The following CNPPD1 variants were observed in gnomAD, a reference collection of about 807,000 sequenced individuals.
CNPPD1 encodes cyclin Pas1/PHO80 domain containing 1.
In CNPPD1, 40 loss-of-function variants were observed where a neutral mutation model predicts 43.7. The observed-to-expected ratio is 0.92, with a 90% CI of 0.71 to 1.19. CNPPD1 has a LOEUF of 1.19. Among genes scored for constraint, CNPPD1 ranks in the 50% most tolerant of loss-of-function variants. The pLI is 0.00. For missense variants in CNPPD1, 511 were observed against 518.5 expected, an observed-to-expected ratio of 0.99 and a Z score of 0.14; for synonymous variants, 208 against 214.3, an observed-to-expected ratio of 0.97 and a Z score of 0.26.
At chr2:219,176,445 C>T (rs1325899270) in intron 1 of CNPPD1, 114 bp from the exon 2 acceptor site, 4 of 795,018 alleles carry the variant, frequency 5.0e-6, no homozygotes, top group South Asian at 1.6e-5. Context: ...GCTAGGGGGC[C>T]CGTGCCTTAC....
At position 219,174,861 on chromosome 2, in the gene CNPPD1, C is replaced by T; in HGVS notation, c.427G>A (p.Val143Ile). The T allele has an allele frequency of 1.2e-6, 2 of 1,613,490 alleles. No homozygotes were observed. Among genetic ancestry groups the T allele is most frequent in the East Asian group, 2.2e-5 (1 of 44,868 alleles). ...GCAGCTCCCCATTCGTCGTTGAAGA[C>T]CTCCTCCTCCTCCCCTTCATCATAG... The part of the protein sequence containing the change: ...YLYDEGEEEE[V>I]FNDEWGAAGG... The change falls in exon 5 of 8, where the codon GTC becomes ATC. Residue 143 changes from valine (V) to isoleucine (I), a missense_variant. Transcript: ENST00000360507.
intron 5 of CNPPD1, 40 bp downstream of exon 5, chr2:219,174,738 G>A: frequency 6.5e-7 from 1 of 1,539,970 alleles, no homozygotes; most frequent in Non-Finnish European, 8.7e-7. Flanking sequence ...GGTTAAAGAT[G>A]GGCCAGGGAA....
intron 7 of CNPPD1, 34 bp from the exon 8 acceptor site, chr2:219,173,162 T>C (rs746500578): frequency 2.3e-5 from 36 of 1,533,332 alleles, no homozygotes; most frequent in Non-Finnish European, 3.0e-5. Context: ...AAGGAATCTG[T>C]CTTTAACACA....
At chr2:219,175,903 CCA>C (rs1425176828) in intron 2 of CNPPD1, among the ~76,000 whole-genome samples, 1 of 152,218 alleles carries the variant, frequency 6.6e-6, no homozygotes, top group African/African-American at 2.4e-5. Flanking sequence ...ATCAAACTAT[CCA>C]GATTTATCTG....
intron 2 of CNPPD1, 98 bp downstream of exon 2, chr2:219,176,125 G>C: frequency 1.2e-6 from 1 of 843,444 alleles, no homozygotes; most frequent in Non-Finnish European, 2.0e-6. Context: ...GCAATGAAGA[G>C]ACAGTGTAGC....
intron 3 of CNPPD1, 96 bp downstream of exon 3, chr2:219,175,495 A>T: frequency 4.2e-6 from 1 of 237,964 alleles, no homozygotes; most frequent in Non-Finnish European, 7.2e-6. Flanking sequence ...AGACTGTCTC[A>T]AAAAAAAAAA....
chr2:219,177,804 G>A (rs1313810393), upstream of CNPPD1: 1 of 152,256 alleles, frequency 6.6e-6, no homozygotes, highest in Non-Finnish European at 1.5e-5. Flanking sequence ...TTTCTGAGTA[G>A]ATGTTGTTTT....
intron 1 of CNPPD1, 87 bp from the exon 2 acceptor site, chr2:219,176,418 G>A (rs918611820): frequency 9.5e-7 from 1 of 1,057,790 alleles, no homozygotes; most frequent in African/African-American, 1.6e-5. Context: ...CGGGGCAGGG[G>A]ACAGGCCGGC....
upstream of CNPPD1, chr2:219,177,437 CTTT>C (rs1356819059): frequency 6.6e-6 from 1 of 152,246 alleles, no homozygotes; most frequent in Non-Finnish European, 1.5e-5. Flanking sequence ...TTCCCAGTTG[CTTT>C]TTAGGAGAGA....
chr2:219,176,973 C>T (rs1470674572), upstream of CNPPD1: 1 of 639,508 alleles, frequency 1.6e-6, no homozygotes, highest in Non-Finnish European at 2.6e-6. Flanking sequence ...TCGCAGCTCC[C>T]TCCCCCCGGC....
chr2:219,172,094 T>C lies in CNPPD1; in HGVS notation c.*492A>G, dbSNP rs1367353507. 1 of 168,278 alleles carries C rather than the reference T, an allele frequency of 5.9e-6. No homozygotes were observed. Among genetic ancestry groups the C allele is most frequent in the Non-Finnish European group, 1.3e-5 (1 of 76,376 alleles). 10.4% of individuals were successfully genotyped at this position (168,278 alleles called of 1,614,324 possible). On this transcript the variant is annotated 3_prime_UTR_variant, in exon 8 of 8. Coordinates refer to ENST00000360507, the MANE Select transcript of CNPPD1 (RefSeq NM_015680.6). ...AAGGTCCCAGCAGTCCTTGGCTCCATTAGACTAAAGCTAAGGAATGGGAGT... is the reference window on the plus strand; with the variant it reads ...AAGGTCCCAGCAGTCCTTGGCTCCACTAGACTAAAGCTAAGGAATGGGAGT...
At position 219,172,399 on chromosome 2, in the gene CNPPD1, G is replaced by GC; in HGVS notation, c.*186dup. On this transcript the variant is annotated 3_prime_UTR_variant, in exon 8 of 8. Transcript: ENST00000360507. ...GCGGCATCACTGTCCTGGCCAAGCA[G>GC]CCAGCCACTGCGATCTAGGAGTGAA... is the stretch of plus-strand genomic sequence containing the variant. 1 of 669,470 alleles carries GC rather than the reference G, an allele frequency of 1.5e-6. No individual in the cohort carries two copies. Among genetic ancestry groups the GC allele is most frequent in the Non-Finnish European group, 2.6e-6 (1 of 385,842 alleles). 41.5% of individuals were successfully genotyped at this position (669,470 alleles called of 1,614,324 possible). A position where few individuals can be genotyped will look rare whatever the true frequency, so the allele number is the denominator to read the frequency against.
In CNPPD1 at chr2:219,174,029, A is replaced by G. The variant is rs1256690933; in HGVS notation, c.572+117T>C. 1.3e-5 allele frequency: 13 copies of G among 994,688 alleles called. No homozygotes were observed. The East Asian group carries it at 2.1e-4, about 16-fold the overall frequency. 61.6% of individuals were successfully genotyped at this position (994,688 alleles called of 1,614,324 possible). On this transcript the variant is annotated intron_variant, in intron 6 of 7. Transcript: ENST00000360507. ...GGGTCTGGGAACCACTATCTGGGCAATTCTCTTTCTTGTCTCCTCCCTCCC... is the reference window on the plus strand; with the variant it reads ...GGGTCTGGGAACCACTATCTGGGCAGTTCTCTTTCTTGTCTCCTCCCTCCC...
intron 3 of CNPPD1, 139 bp downstream of exon 3, chr2:219,175,452 G>C (rs979877078): frequency 1.2e-6 from 1 of 834,116 alleles, no homozygotes; most frequent in Non-Finnish European, 1.9e-6. Flanking sequence ...AGCCGAGATT[G>C]TGCCACTGCA....
chr2:219,175,219 G>T, intron 3 of CNPPD1, 111 bp from the exon 4 acceptor site: 1 of 1,355,802 alleles, frequency 7.4e-7, no homozygotes, highest in Non-Finnish European at 9.8e-7. Context: ...AACTATTCCT[G>T]GCTGGGCACG....
intron 1 of CNPPD1, 126 bp from the exon 2 acceptor site, chr2:219,176,457 C>T (rs1311995326): frequency 8.4e-6 from 6 of 718,480 alleles, no homozygotes; most frequent in Non-Finnish European, 1.4e-5. Flanking sequence ...GTGCCTTACC[C>T]AGACCCGCGT....
chr2:219,174,837 C>T lies in CNPPD1; in HGVS notation c.451G>A (p.Ala151Thr), dbSNP rs747373067. The T allele has an allele frequency of 6.2e-7, 1 of 1,613,980 alleles. No homozygotes were observed. Among genetic ancestry groups the T allele is most frequent in the Admixed American group, 1.7e-5 (1 of 59,992 alleles). The change falls in exon 5 of 8, where the codon GCT becomes ACT. Residue 151 changes from alanine (A) to threonine (T), a missense_variant. Transcript: ENST00000360507. ...EEVFNDEWGA[A>T]GGVAVPTLNA... is the part of the protein sequence containing the mutation. ...AGAGTGGGCACGGCCACACCCCCAG[C>T]AGCTCCCCATTCGTCGTTGAAGACC...
Position 219,172,267 on chromosome 2 carries a change from T to A in CNPPD1, c.*319A>T. ...CTTATCTCCCACCTATACTCTTCCATCCTAGGGAAATCAAAAGTAAAAGTC... is the reference window on the plus strand; with the variant it reads ...CTTATCTCCCACCTATACTCTTCCAACCTAGGGAAATCAAAAGTAAAAGTC... On this transcript the variant is annotated 3_prime_UTR_variant, in exon 8 of 8. Coordinates refer to ENST00000360507, the MANE Select transcript of CNPPD1 (RefSeq NM_015680.6). The A allele has an allele frequency of 2.4e-6, 1 of 413,850 alleles. No homozygotes were observed. Among genetic ancestry groups the A allele is most frequent in the Non-Finnish European group, 4.5e-6 (1 of 223,782 alleles). The allele number at this position is 413,850 out of a possible 1,614,324, so 25.6% of individuals were successfully genotyped here. A position where few individuals can be genotyped will look rare whatever the true frequency, so the allele number is the denominator to read the frequency against.
In CNPPD1 at chr2:219,172,281, A is replaced by G; in HGVS notation, c.*305T>C. On this transcript the variant is annotated 3_prime_UTR_variant, in exon 8 of 8. Coordinates refer to ENST00000360507, the MANE Select transcript of CNPPD1 (RefSeq NM_015680.6). ...ATACTCTTCCATCCTAGGGAAATCA[A>G]AAGTAAAAGTCTAAAAAATCCCAGG... 2 of 446,286 alleles carry G rather than the reference A, an allele frequency of 4.5e-6. No homozygotes were observed. The highest frequency in any genetic ancestry group is 8.2e-6 in the Non-Finnish European group (2 of 244,560). The allele number at this position is 446,286 out of a possible 1,614,324, so 27.6% of individuals were successfully genotyped here. A position where few individuals can be genotyped will look rare whatever the true frequency, so the allele number is the denominator to read the frequency against.
Sources: gnomAD v4.1 joint callset for allele counts (sites outside exome capture counted in the v4.1 genomes callset) on GRCh38, gnomAD v4.1.1 for gene constraint, MANE v1.5 for transcripts, NCBI Gene and HGNC (gene_info 2026-07-23, HGNC 2026-07-21) for gene names.